The following RIMS2 variants were observed in gnomAD, a reference collection of about 807,000 sequenced individuals.
RIMS2 encodes regulating synaptic membrane exocytosis protein 2.
In RIMS2, 59 loss-of-function variants were observed where a neutral mutation model predicts 174.4. The ratio of observed to expected loss-of-function variants is 0.34; its 90% CI spans 0.27 to 0.42. The LOEUF is 0.42. Ranked by LOEUF, RIMS2 falls within the 10% of genes least tolerant of loss-of-function variation. The probability of loss-of-function intolerance (pLI) is 1.00; values close to 1 mark genes in which losing one functional copy is unlikely to be tolerated. For synonymous variants in RIMS2, 606 were observed against 572.5 expected (o/e 1.06, Z -0.84); for missense variants, 1,620 against 1,666.3 (o/e 0.97, Z 0.48).
At chr8:103,834,873 C>G (rs1481397547) in intron 3 of RIMS2, among the ~76,000 whole-genome samples, 1 of 151,776 alleles carries the variant, frequency 6.6e-6, no homozygotes, top group Non-Finnish European at 1.5e-5. Flanking sequence ...CAGGCTCAAG[C>G]AATCCTCTCA....
intron 19 of RIMS2, among the ~76,000 whole-genome samples, chr8:104,079,597 T>TGA (rs1445966958): frequency 7.7e-5 from 4 of 51,714 alleles, no homozygotes; most frequent in African/African-American, 1.4e-4. Context: ...GGATTAAGCA[T>TGA]GATATATATA....
intron 14 of RIMS2, 27 bp downstream of exon 16, chr8:103,942,953 T>C: frequency 1.3e-6 from 2 of 1,571,274 alleles, no homozygotes; most frequent in Non-Finnish European, 1.7e-6. Flanking sequence ...TTCTTTCATA[T>C]TTTTATTGTA....
At chr8:103,783,284 T>A (rs1211854714) in intron 3 of RIMS2, among the ~76,000 whole-genome samples, 1 of 148,814 alleles carries the variant, frequency 6.7e-6, no homozygotes, top group African/African-American at 2.5e-5. Context: ...TTTTTTTTTA[T>A]TATACTTTAA....
chr8:103,993,990 G>T (rs2094901248), intron 17 of RIMS2, among the ~76,000 whole-genome samples: 1 of 149,182 alleles, frequency 6.7e-6, no homozygotes, highest in Non-Finnish European at 1.5e-5. Flanking sequence ...AGTCAAGGCT[G>T]CAGTGAGCTG....
intron 17 of RIMS2, chr8:103,998,123 A>G (rs1234383171): frequency 2.0e-5 from 24 of 1,225,684 alleles, no homozygotes; most frequent in Non-Finnish European, 2.8e-5. Flanking sequence ...AAATTAAACT[A>G]TACTTTTTTT....
intron 3 of RIMS2, among the ~76,000 whole-genome samples, chr8:103,795,647 A>C (rs1216278372): frequency 3.9e-5 from 6 of 152,058 alleles, no homozygotes; most frequent in Non-Finnish European, 1.5e-5. Flanking sequence ...CGTTTTTCCC[A>C]CCAGATGGCG....
At chr8:104,151,565 C>G (rs1390445182) in intron 19 of RIMS2, among the ~76,000 whole-genome samples, 1 of 141,524 alleles carries the variant, frequency 7.1e-6, no homozygotes, top group Non-Finnish European at 1.5e-5. Context: ...GAGACTCTGT[C>G]CTGCACTCCC....
intron 4 of RIMS2, among the ~76,000 whole-genome samples, chr8:103,891,453 C>A (rs1187021906): frequency 2.0e-5 from 3 of 151,920 alleles, no homozygotes; most frequent in African/African-American, 4.8e-5. Flanking sequence ...ATATTTTAAT[C>A]TTAATATTAT....
intron 19 of RIMS2, among the ~76,000 whole-genome samples, chr8:104,173,804 A>G (rs1481892269): frequency 1.3e-5 from 2 of 150,064 alleles, no homozygotes; most frequent in African/African-American, 2.4e-5. Context: ...AATTTTTTGT[A>G]TTTTTAGTAG....
chr8:103,549,969 A>G (rs1388135160), intron 1 of RIMS2, among the ~76,000 whole-genome samples: 1 of 152,186 alleles, frequency 6.6e-6, no homozygotes, highest in African/African-American at 2.4e-5. Flanking sequence ...GTTCTTAGAG[A>G]CCTACAAAGA....
intron 19 of RIMS2, among the ~76,000 whole-genome samples, chr8:104,100,365 A>G (rs2097848496): frequency 6.6e-6 from 1 of 152,030 alleles, no homozygotes; most frequent in Admixed American, 6.6e-5. Context: ...AGAATTTTCT[A>G]TATAGGAGAT....
chr8:104,018,355 G>A (rs1031322831), intron 19 of RIMS2, among the ~76,000 whole-genome samples: 11 of 151,904 alleles, frequency 7.2e-5, no homozygotes, highest in African/African-American at 2.4e-4. Context: ...AAGACTTTAG[G>A]CTCCAAATTT....
intron 1 of RIMS2, among the ~76,000 whole-genome samples, chr8:103,534,622 A>G (rs1838955047): frequency 6.6e-6 from 1 of 152,220 alleles, no homozygotes; most frequent in Non-Finnish European, 1.5e-5. Flanking sequence ...ATAAAATCAT[A>G]TTACAGATCA....
Position 103,573,809 on chromosome 8 carries a change from T to C in RIMS2, c.176+72747T>C, listed in dbSNP as rs868265757. The stretch of plus-strand genomic sequence containing the variant: ...TATATTGCTTTGGGCATTCTGGATA[T>C]TTAATGTTATTGATTCTTCCAATTC... On this transcript the variant is annotated intron_variant, in intron 1 of 23. Coordinates refer to ENST00000504942, the Ensembl canonical transcript of RIMS2. 5.6e-4 allele frequency among the ~76,000 whole-genome samples: 85 copies of C among 152,308 alleles called. 1 individual carries two copies. The highest frequency in any genetic ancestry group is 3.4e-3 in the Middle Eastern group (1 of 294).
chr8:103,524,130 T>C (rs1186340418), intron 1 of RIMS2, among the ~76,000 whole-genome samples: 1 of 152,102 alleles, frequency 6.6e-6, no homozygotes, highest in Admixed American at 6.6e-5. Flanking sequence ...ATTGTTTCAG[T>C]TGAAAATGGT....
At chr8:103,970,792 T>A (rs2092779754) in intron 15 of RIMS2, among the ~76,000 whole-genome samples, 1 of 152,204 alleles carries the variant, frequency 6.6e-6, no homozygotes, top group Admixed American at 6.5e-5. Flanking sequence ...GCTTTTTCAG[T>A]CTGTTCAGCT....
At chr8:103,798,913 A>C (rs1368512055) in intron 3 of RIMS2, among the ~76,000 whole-genome samples, 1 of 150,800 alleles carries the variant, frequency 6.6e-6, no homozygotes, top group Admixed American at 6.6e-5. Flanking sequence ...AAAGGTAGAA[A>C]ACTTTTTTTT....
chr8:103,991,708 C>T (rs1044427143), intron 17 of RIMS2, among the ~76,000 whole-genome samples: 4 of 152,056 alleles, frequency 2.6e-5, no homozygotes, highest in Non-Finnish European at 5.9e-5. Context: ...ATGCACTGGA[C>T]TAGAATAGTA....
At chr8:103,947,828 C>T (rs2084199789) in intron 14 of RIMS2, among the ~76,000 whole-genome samples, 1 of 152,010 alleles carries the variant, frequency 6.6e-6, no homozygotes, top group African/African-American at 2.4e-5. Flanking sequence ...GCTATGACAT[C>T]AATAGGGAAT....
Sources: gnomAD v4.1 joint callset for allele counts (sites outside exome capture counted in the v4.1 genomes callset) on GRCh38, gnomAD v4.1.1 for gene constraint, MANE v1.5 for transcripts, NCBI Gene and HGNC (gene_info 2026-07-23, HGNC 2026-07-21) for gene names.